The following OR1B1 variants were observed in gnomAD, a reference collection of about 807,000 sequenced individuals.
OR1B1 encodes the protein olfactory receptor 1B1.
For missense variants in OR1B1, 414 were observed against 402.1 expected (o/e 1.03, Z -0.25); for synonymous variants, 168 against 156.2 (o/e 1.08, Z -0.57).
upstream of OR1B1, among the ~76,000 whole-genome samples, chr9:122,631,429 G>C (rs947809656): frequency 6.6e-6 from 1 of 151,984 alleles, no homozygotes; most frequent in African/African-American, 2.4e-5. Context: ...CGCCCACCTC[G>C]GCCTCCCAAA....
the OR1B1 span, among the ~76,000 whole-genome samples, chr9:122,635,365 G>A: frequency 1.3e-3 from 204 of 152,084 alleles, no homozygotes; most frequent in Non-Finnish European, 2.3e-3. Context: ...AGCAGGAGTC[G>A]GGGAAGGGAA....
chr9:122,631,969 T>G (rs1178608377), upstream of OR1B1, among the ~76,000 whole-genome samples: 1 of 152,080 alleles, frequency 6.6e-6, no homozygotes, highest in Non-Finnish European at 1.5e-5. Flanking sequence ...ATTCTAGAAC[T>G]CTCAAAATAA....
chr9:122,646,435 ATCT>A, the OR1B1 span, among the ~76,000 whole-genome samples: 1 of 152,022 alleles, frequency 6.6e-6, no homozygotes, highest in Admixed American at 6.6e-5. Flanking sequence ...AGACCCAATA[ATCT>A]TCTGCCTATA....
the OR1B1 span, among the ~76,000 whole-genome samples, chr9:122,642,294 G>T: frequency 6.6e-6 from 1 of 152,134 alleles, no homozygotes; most frequent in Admixed American, 6.5e-5. Context: ...TAATTTGTCA[G>T]GGAAAAACAG....
downstream of OR1B1, among the ~76,000 whole-genome samples, chr9:122,628,337 TG>T (rs1830159940): frequency 1.3e-5 from 2 of 152,176 alleles, no homozygotes; most frequent in Admixed American, 1.3e-4. Flanking sequence ...TCATCCACTT[TG>T]ATAAAATAAA....
chr9:122,631,419 C>T (rs1367359210), upstream of OR1B1, among the ~76,000 whole-genome samples: 5 of 152,172 alleles, frequency 3.3e-5, no homozygotes, highest in East Asian at 3.9e-4. Context: ...CCTCGTGATC[C>T]GCCCACCTCG....
At chr9:122,650,284 G>C in the OR1B1 span, among the ~76,000 whole-genome samples, 1 of 151,980 alleles carries the variant, frequency 6.6e-6, no homozygotes, top group East Asian at 1.9e-4. Context: ...CGCATTAGGA[G>C]AAATACCTAA....
exon 1 of OR1B1, chr9:122,629,293 G>A: frequency 2.5e-6 from 4 of 1,614,098 alleles, no homozygotes; most frequent in Non-Finnish European, 3.4e-6. Flanking sequence ...CCAGCAACTG[G>A]GGCAGTGTAA....
chr9:122,657,506 A>G, the OR1B1 span, among the ~76,000 whole-genome samples: 1 of 152,308 alleles, frequency 6.6e-6, no homozygotes. Flanking sequence ...TTTAGAACAG[A>G]TTACAGAAAG....
At chr9:122,647,336 T>C in the OR1B1 span, among the ~76,000 whole-genome samples, 1 of 152,162 alleles carries the variant, frequency 6.6e-6, no homozygotes. Flanking sequence ...AAAATGCTCC[T>C]GAATGACCAG....
At chr9:122,647,127 T>C in the OR1B1 span, among the ~76,000 whole-genome samples, 1 of 152,296 alleles carries the variant, frequency 6.6e-6, no homozygotes, top group Non-Finnish European at 1.5e-5. Context: ...TTTCATCCAA[T>C]GGCTGCAGAA....
the OR1B1 span, among the ~76,000 whole-genome samples, chr9:122,654,761 G>A: frequency 3.9e-4 from 60 of 152,222 alleles, no homozygotes; most frequent in African/African-American, 1.3e-3. Context: ...AAGTGAGATC[G>A]TGCAGTATTT....
the OR1B1 span, among the ~76,000 whole-genome samples, chr9:122,645,252 G>GA: frequency 0.093 from 13,808 of 148,254 alleles, 1,764 homozygotes; most frequent in African/African-American, 0.29. Flanking sequence ...GGAGACAAAA[G>GA]AAAAAAAAAC....
the OR1B1 span, among the ~76,000 whole-genome samples, chr9:122,653,059 CA>C: frequency 6.6e-6 from 1 of 152,194 alleles, no homozygotes; most frequent in Non-Finnish European, 1.5e-5. Flanking sequence ...GACTTGGCAT[CA>C]GCCCAAGATA....
the OR1B1 span, among the ~76,000 whole-genome samples, chr9:122,647,788 T>C: frequency 1.3e-5 from 2 of 152,026 alleles, no homozygotes; most frequent in Non-Finnish European, 2.9e-5. Flanking sequence ...CTGTACCCAC[T>C]GACTAGCATG....
upstream of OR1B1, among the ~76,000 whole-genome samples, chr9:122,631,099 T>C (rs149120205): frequency 4.0e-3 from 615 of 152,314 alleles, 13 homozygotes; most frequent in Admixed American, 0.027. Context: ...GAATTTGGGC[T>C]TTCTGAAATA....
At chr9:122,640,936 C>G in the OR1B1 span, among the ~76,000 whole-genome samples, 1 of 151,950 alleles carries the variant, frequency 6.6e-6, no homozygotes, top group Non-Finnish European at 1.5e-5. Context: ...AAGACCCTGC[C>G]ATAAAGAAGT....
the OR1B1 span, among the ~76,000 whole-genome samples, chr9:122,644,821 G>A: frequency 2.0e-5 from 3 of 152,154 alleles, no homozygotes; most frequent in Non-Finnish European, 4.4e-5. Context: ...CCAAGGACAG[G>A]CACACGCAAG....
At chr9:122,645,386 G>A in the OR1B1 span, among the ~76,000 whole-genome samples, 1 of 152,012 alleles carries the variant, frequency 6.6e-6, no homozygotes, top group Non-Finnish European at 1.5e-5. Flanking sequence ...GAAAATAACA[G>A]AGAACTTCAC....
Sources: allele counts gnomAD v4.1 joint callset (sites outside exome capture counted in the v4.1 genomes callset), GRCh38; gene constraint gnomAD v4.1.1; transcripts MANE v1.5; gene names NCBI Gene and HGNC (gene_info 2026-07-23, HGNC 2026-07-21).